FAM110B: variants seen among roughly 807,000 people sequenced by gnomAD.
FAM110B encodes the protein family with sequence similarity 110 member B.
FAM110B carries 6 observed loss-of-function variants against 20.4 expected under a neutral mutation model. That is an observed-to-expected ratio of 0.29 (90% CI 0.16 to 0.58). FAM110B has a LOEUF of 0.58. Among genes scored for constraint, FAM110B ranks in the 20% least tolerant of loss-of-function variants. The pLI is 0.90. For synonymous variants in FAM110B, 226 were observed against 214.1 expected (o/e 1.06, Z -0.49); for missense variants, 434 against 498.2 (o/e 0.87, Z 1.23).
intron 1 of FAM110B, among the ~76,000 whole-genome samples, chr8:58,018,632 T>C (rs1231686806): frequency 1.3e-5 from 2 of 152,216 alleles, no homozygotes; most frequent in Non-Finnish European, 2.9e-5. Context: ...TAGACATTGA[T>C]ACGGTTGATT....
intron 1 of FAM110B, among the ~76,000 whole-genome samples, chr8:58,005,323 C>T (rs563894953): frequency 1.3e-5 from 2 of 152,246 alleles, no homozygotes; most frequent in Admixed American, 6.5e-5. Flanking sequence ...TTTGTGGTTA[C>T]GGTTTGTAGT....
intron 2 of FAM110B, among the ~76,000 whole-genome samples, chr8:58,060,936 T>C (rs1669968881): frequency 6.6e-6 from 1 of 152,098 alleles, no homozygotes; most frequent in African/African-American, 2.4e-5. Flanking sequence ...TTTTCTGCTT[T>C]CTTTACCCAG....
chr8:58,004,054 G>A (rs998179039), intron 1 of FAM110B, among the ~76,000 whole-genome samples: 1 of 152,150 alleles, frequency 6.6e-6, no homozygotes, highest in Non-Finnish European at 1.5e-5. Context: ...GGGGGAGGGG[G>A]ATGGTTTCAT....
chr8:58,027,056 AC>A (rs996395337), intron 1 of FAM110B, among the ~76,000 whole-genome samples: 39 of 152,140 alleles, frequency 2.6e-4, no homozygotes, highest in African/African-American at 7.9e-4. Context: ...TTACCCAAAA[AC>A]CCAGGGACCT....
intron 3 of FAM110B, among the ~76,000 whole-genome samples, chr8:58,142,780 CTGAGTCA>C (rs370193817): frequency 3.4e-4 from 51 of 152,130 alleles, no homozygotes; most frequent in African/African-American, 1.2e-3. Context: ...GTTCTCTGTC[CTGAGTCA>C]TAAGTCAAGG....
intron 2 of FAM110B, among the ~76,000 whole-genome samples, chr8:58,046,803 C>T (rs1418523474): frequency 6.6e-6 from 1 of 152,198 alleles, no homozygotes; most frequent in African/African-American, 2.4e-5. Flanking sequence ...TTAATTACTG[C>T]ATCTCCTGTC....
In FAM110B at chr8:58,105,556, A is replaced by ATTTTT. The variant is rs71557704; in HGVS notation, c.-325+29959_-325+29963dup. ...TGAAAATGAATGAATGAATGAATGAATTTTTTTTTTTTTTTTTTTTTTTTT... is the reference window on the plus strand; with the variant it reads ...TGAAAATGAATGAATGAATGAATGAATTTTTTTTTTTTTTTTTTTTTTTTTTTTTT... On this transcript the variant is annotated intron_variant, in intron 3 of 3. Transcript: ENST00000519262. Among the ~76,000 whole-genome samples, 66 of 94,638 alleles carry ATTTTT rather than the reference A, an allele frequency of 7.0e-4. 1 individual carries two copies. Among genetic ancestry groups the ATTTTT allele is most frequent in the African/African-American group, 9.5e-4 (19 of 19,950 alleles). The allele number at this position is 94,638 out of a possible 152,430, so 62.1% of individuals were successfully genotyped here. A position where few individuals can be genotyped will look rare whatever the true frequency, so the allele number is the denominator to read the frequency against.
chr8:58,022,811 G>A (rs551757262), intron 1 of FAM110B, among the ~76,000 whole-genome samples: 1 of 152,334 alleles, frequency 6.6e-6, no homozygotes, highest in South Asian at 2.1e-4. Flanking sequence ...ACTTGAAGAA[G>A]GCTCCAATTA....
intron 2 of FAM110B, among the ~76,000 whole-genome samples, chr8:58,050,983 C>G (rs1805429158): frequency 6.6e-6 from 1 of 152,224 alleles, no homozygotes; most frequent in Non-Finnish European, 1.5e-5. Flanking sequence ...TCTAAGAACT[C>G]TCTTCTTGTT....
intron 2 of FAM110B, among the ~76,000 whole-genome samples, chr8:58,068,038 T>C (rs1479869978): frequency 6.6e-6 from 1 of 152,134 alleles, no homozygotes; most frequent in African/African-American, 2.4e-5. Context: ...TGAAACAAAT[T>C]AATTAAACAG....
At chr8:58,030,575 G>A (rs1804944358) in intron 1 of FAM110B, among the ~76,000 whole-genome samples, 1 of 152,126 alleles carries the variant, frequency 6.6e-6, no homozygotes. Context: ...TAGTTTTTTA[G>A]CCATTATCTG....
intron 3 of FAM110B, among the ~76,000 whole-genome samples, chr8:58,095,919 G>C (rs572763238): frequency 1.5e-4 from 23 of 152,236 alleles, no homozygotes; most frequent in Non-Finnish European, 2.4e-4. Flanking sequence ...GAATCTGGAT[G>C]CTCCTGTATT....
intron 3 of FAM110B, among the ~76,000 whole-genome samples, chr8:58,109,501 A>G (rs771168311): frequency 2.0e-5 from 3 of 152,170 alleles, no homozygotes; most frequent in Non-Finnish European, 2.9e-5. Flanking sequence ...TTTGTTTCCT[A>G]TGATACTGAT....
intron 2 of FAM110B, among the ~76,000 whole-genome samples, chr8:58,050,065 A>G (rs780555236): frequency 1.3e-5 from 2 of 152,152 alleles, no homozygotes; most frequent in Admixed American, 1.3e-4. Flanking sequence ...GCTGGTTTCA[A>G]TTTTACCATT....
intron 2 of FAM110B, among the ~76,000 whole-genome samples, chr8:58,054,400 C>A (rs761274547): frequency 1.3e-5 from 2 of 152,144 alleles, no homozygotes; most frequent in Non-Finnish European, 2.9e-5. Context: ...TCCTTCCAAT[C>A]CCAGATGAAC....
At chr8:58,087,512 A>G (rs1009824915) in intron 3 of FAM110B, among the ~76,000 whole-genome samples, 4 of 152,212 alleles carry the variant, frequency 2.6e-5, no homozygotes, top group African/African-American at 4.8e-5. Context: ...TCAAAGCTAC[A>G]TGGGTCATAA....
intron 2 of FAM110B, among the ~76,000 whole-genome samples, chr8:58,037,689 G>A (rs1270654524): frequency 6.6e-6 from 1 of 152,072 alleles, no homozygotes; most frequent in Admixed American, 6.6e-5. Flanking sequence ...TCATGATGAT[G>A]AAATTCTTTT....
intron 3 of FAM110B, among the ~76,000 whole-genome samples, chr8:58,114,484 T>C (rs1807147086): frequency 6.6e-6 from 1 of 152,204 alleles, no homozygotes; most frequent in South Asian, 2.1e-4. Context: ...CCTCAGTAGT[T>C]TTGTGATCTT....
intron 3 of FAM110B, among the ~76,000 whole-genome samples, chr8:58,120,291 A>G (rs1437334665): frequency 6.6e-6 from 1 of 151,858 alleles, no homozygotes; most frequent in Non-Finnish European, 1.5e-5. Flanking sequence ...AGCCCCTCTC[A>G]TCTGAATTAT....
Sources: allele counts gnomAD v4.1 joint callset (sites outside exome capture counted in the v4.1 genomes callset), GRCh38; gene constraint gnomAD v4.1.1; transcripts MANE v1.5; gene names NCBI Gene and HGNC (gene_info 2026-07-23, HGNC 2026-07-21).